XAGE3: variants seen among roughly 807,000 people sequenced by gnomAD.
XAGE3 encodes the protein CT12.3.
A neutral mutation model predicts 9.2 loss-of-function variants in XAGE3; 6 were observed. The ratio of observed to expected loss-of-function variants is 0.65; its 90% CI spans 0.36 to 1.29. The LOEUF is 1.29. Among genes scored for constraint, XAGE3 ranks in the 50% most tolerant of loss-of-function variants. XAGE3 has a pLI of 0.03. For missense variants in XAGE3, 70 were observed against 82.8 expected, an observed-to-expected ratio of 0.85 and a Z score of 0.60; for synonymous variants, 26 against 28.2, an observed-to-expected ratio of 0.92 and a Z score of 0.25.
At chrX:52,867,365 A>C in intron 1 of XAGE3, 1 of 360,152 alleles carries the variant, frequency 2.8e-6, no homozygotes, top group Non-Finnish European at 4.9e-6. Context: ...AAAAGACAGG[A>C]TATTTCCGAT....
chrX:52,866,567 G>A, intron 2 of XAGE3, 29 bp from the exon 3 acceptor site: 2 of 1,158,857 alleles, frequency 1.7e-6, no homozygotes, highest in Non-Finnish European at 2.3e-6. Flanking sequence ...GTGTGTGTGT[G>A]TGTGTGTGCA....
intron 2 of XAGE3, 66 bp from the exon 3 acceptor site, chrX:52,866,604 T>A (rs1927897198): frequency 3.4e-6 from 3 of 892,945 alleles, no homozygotes; most frequent in Non-Finnish European, 4.8e-6. Flanking sequence ...ATCGATACAT[T>A]TCAATAATAC....
chrX:52,862,700 A>T (rs1602014667), intron 4 of XAGE3, 60 bp from the exon 5 acceptor site: 2 of 1,182,584 alleles, frequency 1.7e-6, no homozygotes, highest in East Asian at 5.9e-5. Context: ...AGATGACATT[A>T]AAGGTAGGCA....
Position 52,867,058 on chromosome X carries a change from T to C in XAGE3, c.76A>G (p.Met26Val). ...SVPPPELIGP[M>V]LEPGDEEPQQ... is the part of the protein sequence containing the mutation. ...TCAAAGGTTAAGGCACTCACCAGCA[T>C]AGGCCCAATCAGCTCAGGAGGTGGT... Residue 26 changes from methionine (M) to valine (V), a missense_variant, in exon 2 of 5, where the codon ATG (methionine) becomes GTG (valine). By Grantham distance (21) the Met-to-Val change is conservative. Coordinates refer to ENST00000346279, the MANE Select transcript of XAGE3 (RefSeq NM_133179.3). 8.3e-7 allele frequency: 1 copy of C among 1,211,801 alleles called. No individual in the cohort carries two copies. The highest frequency in any genetic ancestry group is 1.7e-5 in the African/African-American group (1 of 58,055).
At position 52,862,541 on chromosome X, in the gene XAGE3, G is replaced by A. The variant is rs1215048469; in HGVS notation, c.*77C>T. On this transcript the variant is annotated 3_prime_UTR_variant, in exon 5 of 5. Transcript: ENST00000346279. ...GTGCAAGACTTCTTTGGAGAAAGCT[G>A]CAAAAGTTTATTTCGATATTTTTAA... 54 of 1,156,347 alleles carry A rather than the reference G, an allele frequency of 4.7e-5. No individual in the cohort carries two copies. The highest frequency in any genetic ancestry group is 5.7e-5 in the Non-Finnish European group (49 of 853,745).
At chrX:52,862,669 AT>A (rs1556783841) in intron 4 of XAGE3, 29 bp from the exon 5 acceptor site, 1 of 1,209,817 alleles carries the variant, frequency 8.3e-7, no homozygotes, top group Non-Finnish European at 1.1e-6. Flanking sequence ...AGGAGGGAAC[AT>A]TAGTAGCAGA....
In XAGE3 at chrX:52,866,502, G is replaced by A. The variant is rs200087190; in HGVS notation, c.118C>T (p.Pro40Ser). The stretch of plus-strand genomic sequence containing the variant: ...GGTGCAGGATCCCGACTTTCAGTTG[G>A]TGGTTCCTCTTGCTGAGGCTCCTCA... Reference protein sequence around the residue: ...GDEEPQQEEPPTESRDPAPGQ... With the variant: ...GDEEPQQEEPSTESRDPAPGQ... The change falls in exon 3 of 5, where the codon CCA becomes TCA. Residue 40 changes from proline to serine, a missense_variant. Pro to Ser is a moderately conservative substitution (Grantham distance 74). Coordinates refer to ENST00000346279, the MANE Select transcript of XAGE3 (RefSeq NM_133179.3). 46 of 1,209,153 alleles carry A rather than the reference G, an allele frequency of 3.8e-5. No homozygotes were observed. Among genetic ancestry groups the A allele is most frequent in the Non-Finnish European group, 5.6e-6 (5 of 895,042 alleles).
At chrX:52,864,003 A>T (rs1454391644) in intron 4 of XAGE3, among the ~76,000 whole-genome samples, 1 of 112,130 alleles carries the variant, frequency 8.9e-6, no homozygotes. Context: ...TCCTGGAAAT[A>T]ATTGAAAACT....
rs1158599965 is a variant in XAGE3, at chrX:52,866,834, G to A, written c.81+219C>T. Among the ~76,000 whole-genome samples, 5 of 111,869 alleles carry A rather than the reference G, an allele frequency of 4.5e-5. No homozygotes were observed. In the Admixed American group the frequency reaches 4.7e-4, roughly 11 times the overall value. ...AGAAGGAAATCATGGGCAAAATCTG[G>A]GGAACACAAGATCATCCATCCAGAC... is the stretch of plus-strand genomic sequence containing the variant. On this transcript the variant is annotated intron_variant, in intron 2 of 4. Coordinates refer to ENST00000346279, the MANE Select transcript of XAGE3 (RefSeq NM_133179.3).
In XAGE3 at chrX:52,867,108, T is replaced by C. The variant is rs782785298; in HGVS notation, c.26A>G (p.Tyr9Cys). The part of the protein sequence containing the change: MIWRGRST[Y>C]RPRPRRSVPP... Reference sequence around the variant, plus strand: ...TACACTTCTCCTCGGCCTAGGCCTATATGTTGATCTTCCTCGCCAAATCAT... The same window carrying C: ...TACACTTCTCCTCGGCCTAGGCCTACATGTTGATCTTCCTCGCCAAATCAT... Residue 9 changes from tyrosine to cysteine, a missense_variant, in exon 2 of 5, where the codon TAT (tyrosine) becomes TGT (cysteine). Tyr to Cys is a radical substitution (Grantham distance 194, BLOSUM62 -2). Transcript: ENST00000346279. 4.1e-6 allele frequency: 5 copies of C among 1,208,544 alleles called. No individual in the cohort carries two copies. The highest frequency in any genetic ancestry group is 5.6e-6 in the Non-Finnish European group (5 of 893,815).
chrX:52,866,685 T>C (rs1384642033), intron 2 of XAGE3, 147 bp from the exon 3 acceptor site: 1 of 551,201 alleles, frequency 1.8e-6, no homozygotes, highest in African/African-American at 2.3e-5. Flanking sequence ...TTCCACATAC[T>C]TATTTTTCAT....
At chrX:52,867,706 G>A (rs1556784643) in intron 1 of XAGE3, among the ~76,000 whole-genome samples, 3 of 110,618 alleles carry the variant, frequency 2.7e-5, no homozygotes, top group African/African-American at 9.9e-5. Flanking sequence ...ACACGGAGGA[G>A]TCTGGAATCC....
intron 4 of XAGE3, among the ~76,000 whole-genome samples, chrX:52,864,402 C>A (rs1236932314): frequency 8.9e-6 from 1 of 112,653 alleles, no homozygotes; most frequent in Admixed American, 9.4e-5. Flanking sequence ...CATCCAGAAT[C>A]TCACAAATAA....
chrX:52,863,284 T>C (rs1927802402), intron 4 of XAGE3, among the ~76,000 whole-genome samples: 1 of 112,189 alleles, frequency 8.9e-6, no homozygotes, highest in Non-Finnish European at 1.9e-5. Flanking sequence ...GAGTCCCTCT[T>C]TTTACACTTG....
chrX:52,865,872 C>T (rs1438630502), intron 3 of XAGE3, among the ~76,000 whole-genome samples: 1 of 111,838 alleles, frequency 8.9e-6, no homozygotes, highest in Non-Finnish European at 1.9e-5. Flanking sequence ...AAATCATTCA[C>T]GTTTTCTAAT....
chrX:52,864,825 T>A lies in XAGE3; in HGVS notation c.263A>T (p.Asp88Val), dbSNP rs782671542. 8.3e-7 allele frequency: 1 copy of A among 1,209,702 alleles called. No homozygotes were observed. Among genetic ancestry groups the A allele is most frequent in the East Asian group, 3.0e-5 (1 of 33,774 alleles). ...TGGECGNGPD[D>V]QGKILPKSEQ... ...TGATTTTGGCAGAATCTTCCCCTGGTCATCAGGACCATTTCCACATTCACC... is the reference window on the plus strand; with the variant it reads ...TGATTTTGGCAGAATCTTCCCCTGGACATCAGGACCATTTCCACATTCACC... Residue 88 changes from aspartate (D) to valine (V), a missense_variant, in exon 4 of 5, where the codon GAC (aspartate) becomes GTC (valine). Physicochemically the swap from Asp to Val is radical, Grantham distance 152 (BLOSUM62 -3). Transcript: ENST00000346279.
At position 52,867,061 on chromosome X, in the gene XAGE3, G is replaced by A. The variant is rs782246895; in HGVS notation, c.73C>T (p.Pro25Ser). The A allele has an allele frequency of 8.3e-7, 1 of 1,211,232 alleles. No individual in the cohort carries two copies. The highest frequency in any genetic ancestry group is 1.1e-6 in the Non-Finnish European group (1 of 894,745). The change falls in exon 2 of 5, where the codon CCT (proline) becomes TCT (serine). Residue 25 changes from proline (P) to serine (S), a missense_variant. Coordinates refer to ENST00000346279, the MANE Select transcript of XAGE3 (RefSeq NM_133179.3). ...AAGGTTAAGGCACTCACCAGCATAG[G>A]CCCAATCAGCTCAGGAGGTGGTACA... ...RSVPPPELIG[P>S]MLEPGDEEPQ... is the part of the protein sequence containing the mutation.
Position 52,866,915 on chromosome X carries a change from A to G in XAGE3, c.81+138T>C, listed in dbSNP as rs1490325125. 10 of 578,572 alleles carry G rather than the reference A, an allele frequency of 1.7e-5. No individual in the cohort carries two copies. In the African/African-American group the frequency reaches 2.3e-4, roughly 13 times the overall value. 47.7% of individuals were successfully genotyped at this position (578,572 alleles called of 1,213,427 possible). Reference sequence around the variant, plus strand: ...CTTTCCTTCATGAGATGCCATGATTATTTTTCTCAGCATGGGAGACCTTTA... The same window carrying G: ...CTTTCCTTCATGAGATGCCATGATTGTTTTTCTCAGCATGGGAGACCTTTA... On this transcript the variant is annotated intron_variant, in intron 2 of 4. Transcript: ENST00000346279.
chrX:52,864,065 C>T (rs1283891474), intron 4 of XAGE3, among the ~76,000 whole-genome samples: 1 of 111,605 alleles, frequency 9.0e-6, no homozygotes, highest in African/African-American at 3.3e-5. Context: ...AGAGTAAAAC[C>T]ATTTAGGCAA....
Sources: gnomAD v4.1 joint callset for allele counts (sites outside exome capture counted in the v4.1 genomes callset) on GRCh38, gnomAD v4.1.1 for gene constraint, MANE v1.5 for transcripts, NCBI Gene and HGNC (gene_info 2026-07-23, HGNC 2026-07-21) for gene names.